The following BMPR1A variants were observed in gnomAD, a reference collection of about 807,000 sequenced individuals.
BMPR1A encodes the protein bone morphogenetic protein receptor type 1A, also known as bone morphogenetic protein receptor type-1A.
A neutral mutation model predicts 66.0 loss-of-function variants in BMPR1A; 7 were observed. That is an observed-to-expected ratio of 0.11 (90% CI 0.06 to 0.20). BMPR1A has a LOEUF of 0.20. Ranked by LOEUF, BMPR1A falls within the 10% of genes least tolerant of loss-of-function variation. BMPR1A has a pLI of 1.00. For synonymous variants in BMPR1A, 200 were observed against 229.7 expected (o/e 0.87, Z 1.17); for missense variants, 408 against 669.1 (o/e 0.61, Z 4.31).
At chr10:86,882,143 G>A (rs576941843) in intron 3 of BMPR1A, among the ~76,000 whole-genome samples, 1 of 152,172 alleles carries the variant, frequency 6.6e-6, no homozygotes, top group African/African-American at 2.4e-5. Context: ...TGGGCTGTAT[G>A]GGTATGTGTG....
intron 4 of BMPR1A, among the ~76,000 whole-genome samples, chr10:86,890,531 C>G (rs900306107): frequency 6.6e-6 from 1 of 151,806 alleles, no homozygotes; most frequent in African/African-American, 2.4e-5. Flanking sequence ...TTTTAGAAAA[C>G]TTAGAGGTTA....
At chr10:86,866,591 G>A (rs1564707717) in intron 2 of BMPR1A, among the ~76,000 whole-genome samples, 1 of 151,408 alleles carries the variant, frequency 6.6e-6, no homozygotes, top group Non-Finnish European at 1.5e-5. Flanking sequence ...TGTATTTTTA[G>A]TAGAGACAGG....
chr10:86,904,046 G>A (rs1451978049), intron 7 of BMPR1A, among the ~76,000 whole-genome samples: 1 of 152,236 alleles, frequency 6.6e-6, no homozygotes, highest in Non-Finnish European at 1.5e-5. Context: ...TGGGATTACA[G>A]GCGTGTACCA....
intron 1 of BMPR1A, among the ~76,000 whole-genome samples, chr10:86,834,803 A>G (rs1357899375): frequency 6.6e-6 from 1 of 152,190 alleles, no homozygotes; most frequent in South Asian, 2.1e-4. Context: ...AGTAAACAGT[A>G]ATATCTTTAG....
chr10:86,818,719 T>C (rs11202207), intron 1 of BMPR1A, among the ~76,000 whole-genome samples: 3 of 152,016 alleles, frequency 2.0e-5, no homozygotes, highest in Non-Finnish European at 4.4e-5. Flanking sequence ...AGCAGTTACA[T>C]ATGCTAGAAT....
At chr10:86,922,164 C>T (rs555251143) in intron 11 of BMPR1A, among the ~76,000 whole-genome samples, 1 of 152,226 alleles carries the variant, frequency 6.6e-6, no homozygotes, top group East Asian at 1.9e-4. Flanking sequence ...GTTTGTCTTT[C>T]TGTGCCTGGC....
chr10:86,890,574 C>T (rs1843133997), intron 4 of BMPR1A, among the ~76,000 whole-genome samples: 1 of 151,692 alleles, frequency 6.6e-6, no homozygotes, highest in African/African-American at 2.4e-5. Flanking sequence ...CACTGACAAC[C>T]TCCTACTTCT....
chr10:86,765,944 T>C (rs1227234609), intron 1 of BMPR1A, among the ~76,000 whole-genome samples: 3 of 151,946 alleles, frequency 2.0e-5, no homozygotes, highest in Non-Finnish European at 4.4e-5. Flanking sequence ...TCACTGAATA[T>C]ATAGGGGGAT....
At chr10:86,909,359 G>T (rs1269431166) in intron 7 of BMPR1A, among the ~76,000 whole-genome samples, 1 of 152,148 alleles carries the variant, frequency 6.6e-6, no homozygotes, top group East Asian at 1.9e-4. Flanking sequence ...TTGGGAGGCT[G>T]AGGTGGGTGG....
chr10:86,850,627 TTTGTTGTTG>T (rs750294502), intron 2 of BMPR1A, among the ~76,000 whole-genome samples: 1 of 151,970 alleles, frequency 6.6e-6, no homozygotes. Flanking sequence ...AGCTCAAAGT[TTTGTTGTTG>T]TTGTTGTTGT....
downstream of BMPR1A, chr10:86,929,826 G>T (rs1589295797): frequency 6.6e-6 from 1 of 152,218 alleles, no homozygotes; most frequent in Admixed American, 6.5e-5. Context: ...TAACAGAGCA[G>T]ACATTAAGAA....
At chr10:86,872,432 C>T (rs748526471) in intron 2 of BMPR1A, among the ~76,000 whole-genome samples, 50 of 152,276 alleles carry the variant, frequency 3.3e-4, no homozygotes, top group South Asian at 8.3e-4. Flanking sequence ...TATGACTCTG[C>T]CACTTAACCT....
At chr10:86,854,379 A>C (rs1842612561) in intron 2 of BMPR1A, among the ~76,000 whole-genome samples, 1 of 152,182 alleles carries the variant, frequency 6.6e-6, no homozygotes, top group African/African-American at 2.4e-5. Flanking sequence ...GACAGGATTA[A>C]GAGATTAAAG....
At position 86,838,308 on chromosome 10, in the gene BMPR1A, G is replaced by T. The variant is rs182942494; in HGVS notation, c.-267-557G>T. 2.7e-3 allele frequency among the ~76,000 whole-genome samples: 416 copies of T among 152,258 alleles called. 2 individuals are homozygous for T. Among genetic ancestry groups the T allele is most frequent in the African/African-American group, 9.7e-3 (405 of 41,550 alleles). The stretch of plus-strand genomic sequence containing the variant: ...GAATGCTTGCCCCTTAAAGGGTAAG[G>T]TGTTAATAGCAGTACTAATATACGG... On this transcript the variant is annotated intron_variant, in intron 1 of 12. Coordinates refer to ENST00000372037, the MANE Select transcript of BMPR1A (RefSeq NM_004329.3).
intron 1 of BMPR1A, among the ~76,000 whole-genome samples, chr10:86,769,541 C>T (rs771843248): frequency 1.6e-4 from 24 of 152,316 alleles, no homozygotes; most frequent in South Asian, 8.3e-4. Context: ...AAAGAAAGCC[C>T]TAGGCATTAG....
chr10:86,900,214 A>G (rs1843290176), intron 7 of BMPR1A, 88 bp downstream of exon 7: 3 of 1,281,780 alleles, frequency 2.3e-6, no homozygotes, highest in African/African-American at 1.5e-5. Flanking sequence ...GAAACCATTA[A>G]CTTGTATTCT....
intron 1 of BMPR1A, among the ~76,000 whole-genome samples, chr10:86,825,203 A>C (rs1842177663): frequency 6.6e-6 from 1 of 151,918 alleles, no homozygotes; most frequent in South Asian, 2.1e-4. Flanking sequence ...TCCTGGGCTC[A>C]AGCGATCCTC....
chr10:86,897,878 T>C (rs1843248530), intron 5 of BMPR1A, among the ~76,000 whole-genome samples: 1 of 152,212 alleles, frequency 6.6e-6, no homozygotes, highest in Non-Finnish European at 1.5e-5. Flanking sequence ...AGTGCTAGGA[T>C]TACAGGTGTG....
chr10:86,899,901 C>G lies in BMPR1A; in HGVS notation c.430+11C>G, dbSNP rs762244358. 2 of 1,613,038 alleles carry G rather than the reference C, an allele frequency of 1.2e-6. No individual in the cohort carries two copies. The highest frequency in any genetic ancestry group is 1.7e-6 in the Non-Finnish European group (2 of 1,179,030). ...CCCCTGTTGTCATAGGTAGGTTAGCCGAGAAAAGTCGGAGCATGCTTCTCA... is the reference window on the plus strand; with the variant it reads ...CCCCTGTTGTCATAGGTAGGTTAGCGGAGAAAAGTCGGAGCATGCTTCTCA... On this transcript the variant is annotated intron_variant, in intron 6 of 12. Coordinates refer to ENST00000372037, the MANE Select transcript of BMPR1A (RefSeq NM_004329.3).
Sources: gnomAD v4.1 joint callset for allele counts (sites outside exome capture counted in the v4.1 genomes callset) on GRCh38, gnomAD v4.1.1 for gene constraint, MANE v1.5 for transcripts, NCBI Gene and HGNC (gene_info 2026-07-23, HGNC 2026-07-21) for gene names.